Variants in CCSER1 observed in about 807,000 individuals in gnomAD.
CCSER1 encodes serine-rich coiled-coil domain-containing protein 1.
A neutral mutation model predicts 82.0 loss-of-function variants in CCSER1; 41 were observed. The ratio of observed to expected loss-of-function variants is 0.50; its 90% CI spans 0.39 to 0.65. The LOEUF (loss-of-function observed/expected upper bound fraction) is 0.65, where lower values mean the gene tolerates loss of function less well. Among genes scored for constraint, CCSER1 ranks in the 30% least tolerant of loss-of-function variants. The pLI, the probability that CCSER1 is intolerant of heterozygous loss-of-function variation, is 0.00. For synonymous variants in CCSER1, 414 were observed against 383.9 expected, an observed-to-expected ratio of 1.08 and a Z score of -0.92; for missense variants, 1,119 against 1,064.2, an observed-to-expected ratio of 1.05 and a Z score of -0.72.
In CCSER1 at chr4:91,250,038, A is replaced by G. The variant is rs531785969; in HGVS notation, c.2217+164044A>G. Among the ~76,000 whole-genome samples, 4 of 152,102 alleles carry G rather than the reference A, an allele frequency of 2.6e-5. No homozygotes were observed. The East Asian group carries it at 7.7e-4, about 29-fold the overall frequency. On this transcript the variant is annotated intron_variant, in intron 10 of 10. Coordinates refer to ENST00000509176, the MANE Select transcript of CCSER1 (RefSeq NM_001145065.2). ...TTATTCATTTCCATGATTTCATGACATGTAATTTTCTTTAGGACTATGATT... is the reference window on the plus strand; with the variant it reads ...TTATTCATTTCCATGATTTCATGACGTGTAATTTTCTTTAGGACTATGATT...
At chr4:90,740,833 T>C (rs1746433069) in intron 7 of CCSER1, among the ~76,000 whole-genome samples, 1 of 152,176 alleles carries the variant, frequency 6.6e-6, no homozygotes, top group African/African-American at 2.4e-5. Flanking sequence ...TTACCATGCC[T>C]TCAGATATTG....
At chr4:90,717,328 A>G (rs373972205) in intron 6 of CCSER1, among the ~76,000 whole-genome samples, 1 of 152,200 alleles carries the variant, frequency 6.6e-6, no homozygotes. Flanking sequence ...AGGCAAAAAC[A>G]GCAGCTATAA....
At chr4:91,416,042 G>T (rs1440171697) in intron 10 of CCSER1, among the ~76,000 whole-genome samples, 1 of 151,924 alleles carries the variant, frequency 6.6e-6, no homozygotes, top group Non-Finnish European at 1.5e-5. Flanking sequence ...TTTTTTAATT[G>T]ATAGGCTATT....
intron 6 of CCSER1, among the ~76,000 whole-genome samples, chr4:90,703,602 G>A (rs1197176239): frequency 3.3e-5 from 5 of 152,108 alleles, no homozygotes; most frequent in Non-Finnish European, 5.9e-5. Context: ...TATTGTGTGG[G>A]AGTCTAAGTC....
chr4:91,193,405 G>A (rs1447090252), intron 10 of CCSER1, among the ~76,000 whole-genome samples: 1 of 152,080 alleles, frequency 6.6e-6, no homozygotes, highest in Non-Finnish European at 1.5e-5. Flanking sequence ...CATAAAGGCT[G>A]GATGAAAAGG....
intron 9 of CCSER1, among the ~76,000 whole-genome samples, chr4:90,983,636 A>C (rs986897356): frequency 2.6e-5 from 4 of 151,770 alleles, no homozygotes; most frequent in African/African-American, 4.8e-5. Flanking sequence ...AAATTAAGGA[A>C]AAAAATAACT....
chr4:91,475,611 A>T (rs958255338), intron 10 of CCSER1, among the ~76,000 whole-genome samples: 1 of 151,898 alleles, frequency 6.6e-6, no homozygotes, highest in Non-Finnish European at 1.5e-5. Context: ...TCTTCTGATT[A>T]ATAGAGGAGT....
At chr4:90,322,255 T>C (rs1472776269) in intron 3 of CCSER1, among the ~76,000 whole-genome samples, 2 of 152,192 alleles carry the variant, frequency 1.3e-5, no homozygotes, top group African/African-American at 4.8e-5. Context: ...TCCATGTATG[T>C]TATTGGCACT....
chr4:90,520,356 A>C (rs922191091), intron 5 of CCSER1, among the ~76,000 whole-genome samples: 1 of 152,132 alleles, frequency 6.6e-6, no homozygotes, highest in African/African-American at 2.4e-5. Context: ...ATTTGTATCC[A>C]TAAATTAGTT....
At chr4:91,430,989 C>A (rs1754264631) in intron 10 of CCSER1, among the ~76,000 whole-genome samples, 1 of 152,210 alleles carries the variant, frequency 6.6e-6, no homozygotes, top group South Asian at 2.1e-4. Context: ...GTAATCCCAG[C>A]ATTTTGGGAG....
chr4:90,545,627 C>T (rs1410736374), intron 5 of CCSER1, among the ~76,000 whole-genome samples: 1 of 152,026 alleles, frequency 6.6e-6, no homozygotes. Flanking sequence ...ATTCCTCACC[C>T]TGCCCCTCCC....
At chr4:90,229,334 G>A (rs543682091) in intron 1 of CCSER1, among the ~76,000 whole-genome samples, 2 of 152,092 alleles carry the variant, frequency 1.3e-5, no homozygotes, top group Non-Finnish European at 2.9e-5. Flanking sequence ...TTAAAGAAAA[G>A]AATTTTCAAC....
At chr4:91,247,867 C>CA (rs991905777) in intron 10 of CCSER1, among the ~76,000 whole-genome samples, 30 of 150,600 alleles carry the variant, frequency 2.0e-4, no homozygotes, top group African/African-American at 7.1e-4. Context: ...GACTCTGTCT[C>CA]AAAAAAAACA....
chr4:91,345,162 G>A (rs1747968255), intron 10 of CCSER1, among the ~76,000 whole-genome samples: 1 of 152,162 alleles, frequency 6.6e-6, no homozygotes, highest in African/African-American at 2.4e-5. Context: ...AGGCCAAGGT[G>A]TGCAGATCAC....
intron 10 of CCSER1, among the ~76,000 whole-genome samples, chr4:91,391,645 T>G (rs1751658477): frequency 6.6e-6 from 1 of 152,132 alleles, no homozygotes; most frequent in Non-Finnish European, 1.5e-5. Flanking sequence ...TCTCTAGAAT[T>G]TTGGGATTTG....
chr4:91,438,373 G>A (rs1171825278), intron 10 of CCSER1, among the ~76,000 whole-genome samples: 1 of 152,142 alleles, frequency 6.6e-6, no homozygotes, highest in Non-Finnish European at 1.5e-5. Context: ...AGGCAAACAG[G>A]GTCTGGAGTG....
chr4:91,248,883 G>T (rs533007030), intron 10 of CCSER1, among the ~76,000 whole-genome samples: 2 of 151,908 alleles, frequency 1.3e-5, no homozygotes, highest in East Asian at 1.9e-4. Context: ...ACAATTTTTT[G>T]GTAACTCTAT....
At chr4:91,033,882 A>G (rs1387553876) in intron 9 of CCSER1, among the ~76,000 whole-genome samples, 1 of 152,192 alleles carries the variant, frequency 6.6e-6, no homozygotes, top group Non-Finnish European at 1.5e-5. Flanking sequence ...TGATTGACCA[A>G]TTCAAGCTGC....
At chr4:90,146,142 G>T (rs1725766463) in intron 1 of CCSER1, among the ~76,000 whole-genome samples, 1 of 152,054 alleles carries the variant, frequency 6.6e-6, no homozygotes, top group African/African-American at 2.4e-5. Context: ...GATAAGTACT[G>T]CTCTTTTGAT....
Sources: allele counts gnomAD v4.1 joint callset (sites outside exome capture counted in the v4.1 genomes callset), GRCh38; gene constraint gnomAD v4.1.1; transcripts MANE v1.5; gene names NCBI Gene and HGNC (gene_info 2026-07-23, HGNC 2026-07-21).